The following PARP15 variants were observed in gnomAD, a reference collection of about 807,000 sequenced individuals.
The protein encoded by PARP15 is poly(ADP-ribose) polymerase family member 15.
PARP15 carries 50 observed loss-of-function variants against 62.1 expected under a neutral mutation model. That is an observed-to-expected ratio of 0.81 (90% CI 0.64 to 1.02). The LOEUF (loss-of-function observed/expected upper bound fraction) is 1.02, where lower values mean the gene tolerates loss of function less well. Ranked by LOEUF, PARP15 falls within the 50% of genes least tolerant of loss-of-function variation. The pLI is 0.00. For missense variants in PARP15, 820 were observed against 826.5 expected (o/e 0.99, Z 0.10); for synonymous variants, 309 against 293.1 (o/e 1.05, Z -0.55).
rs564331189 is a variant in PARP15, at chr3:122,634,376, A to T, written c.1573-644A>T. 3.9e-5 allele frequency among the ~76,000 whole-genome samples: 6 copies of T among 152,310 alleles called. No homozygotes were observed. The South Asian group carries it at 1.2e-3, about 32-fold the overall frequency. ...CCCAACACAAACTTGATTCATAGAGATGTTCAGTAGGTGATGACTGAATGG... is the reference window on the plus strand; with the variant it reads ...CCCAACACAAACTTGATTCATAGAGTTGTTCAGTAGGTGATGACTGAATGG... On this transcript the variant is annotated intron_variant, in intron 10 of 11. Coordinates refer to ENST00000464300, the MANE Select transcript of PARP15 (RefSeq NM_001113523.3).
At chr3:122,592,360 G>A (rs1454876112) in intron 1 of PARP15, among the ~76,000 whole-genome samples, 1 of 152,126 alleles carries the variant, frequency 6.6e-6, no homozygotes, top group Non-Finnish European at 1.5e-5. Flanking sequence ...AACACCACAT[G>A]TTCTCACTTA....
rs142624920 is a variant in PARP15, at chr3:122,611,494, G to C, written c.543+764G>C. Among the ~76,000 whole-genome samples the C allele has an allele frequency of 3.5e-3, 520 of 150,460 alleles. 1 individual carries two copies. Among genetic ancestry groups the C allele is most frequent in the African/African-American group, 0.012 (500 of 40,940 alleles). ...GCTGGGATTACAGGTGCCCACCACG[G>C]GGCCTGGCTAATTTTTGTATTTTTA... is the stretch of plus-strand genomic sequence containing the variant. On this transcript the variant is annotated intron_variant, in intron 3 of 11. Transcript: ENST00000464300.
At position 122,638,115 on chromosome 3, in the gene PARP15, C is replaced by A. The variant is rs1339570601; in HGVS notation, c.*2015C>A. On this transcript the variant is annotated 3_prime_UTR_variant, in exon 12 of 12. Transcript: ENST00000464300. The stretch of plus-strand genomic sequence containing the variant: ...GTTTCCAGCTTCATCCATGTCCCTA[C>A]AAAGGACATGAACTCATCATTTTTT... The A allele has an allele frequency of 2.6e-5, 4 of 152,168 alleles. No individual in the cohort carries two copies. Among genetic ancestry groups the A allele is most frequent in the African/African-American group, 9.7e-5 (4 of 41,420 alleles). The allele number at this position is 152,168 out of a possible 1,614,324, so 9.4% of individuals were successfully genotyped here.
chr3:122,594,637 T>C (rs1361947933), intron 1 of PARP15: 6 of 906,162 alleles, frequency 6.6e-6, no homozygotes, highest in Non-Finnish European at 5.3e-6. Flanking sequence ...GAAATTAGCA[T>C]CTAATTTTAA....
Position 122,577,802 on chromosome 3 carries a change from C to T in PARP15, c.135C>T (p.Ala45=), listed in dbSNP as rs1315109616. The T allele has an allele frequency of 3.9e-6, 6 of 1,550,854 alleles. No individual in the cohort carries two copies. The highest frequency in any genetic ancestry group is 4.4e-6 in the Non-Finnish European group (5 of 1,146,608). ...GGGAGGCGGGGAGCGTGCTGCCGGCCGGGAACCGTGGGGCGCGGAAGGCCT... is the reference window on the plus strand; with the variant it reads ...GGGAGGCGGGGAGCGTGCTGCCGGCTGGGAACCGTGGGGCGCGGAAGGCCT... The part of the protein sequence containing the change: ...RDREAGSVLP[A]GNRGARKASR... Residue 45 remains alanine (A), a synonymous_variant, in exon 1 of 12, where the codon GCC becomes GCT. Coordinates refer to ENST00000464300, the MANE Select transcript of PARP15 (RefSeq NM_001113523.3).
chr3:122,612,957 T>TGTCAGA, intron 3 of PARP15, 84 bp from the exon 4 acceptor site: 4 of 1,206,360 alleles, frequency 3.3e-6, no homozygotes, highest in Non-Finnish European at 3.6e-6. Context: ...GAGAGGTCCT[T>TGTCAGA]GTCAGAGTTG....
rs375575228 is a variant in PARP15 at position 122,626,951 on chromosome 3, G to A, written c.1356G>A (p.Leu452=). The change falls in exon 9 of 12, where the codon CTG becomes CTA. Residue 452 remains leucine, a synonymous_variant. Transcript: ENST00000464300. ...TVKVVIFQPE[L]LNIFYDSMKK... ...AAGTTGTCATTTTTCAACCTGAGCT[G>A]CTAAATATATTCTACGACAGCATGA... 9.3e-6 allele frequency: 15 copies of A among 1,613,822 alleles called. No homozygotes were observed. The South Asian group carries it at 1.1e-4, about 12-fold the overall frequency.
chr3:122,592,518 T>C (rs1489234292), intron 1 of PARP15, among the ~76,000 whole-genome samples: 1 of 151,956 alleles, frequency 6.6e-6, no homozygotes, highest in African/African-American at 2.4e-5. Context: ...GATGGGTATT[T>C]AGGTGCAGCA....
chr3:122,594,925 C>A lies in PARP15; in HGVS notation c.187-11011C>A, dbSNP rs191542696. On this transcript the variant is annotated intron_variant, in intron 1 of 11. Transcript: ENST00000464300. Reference sequence around the variant, plus strand: ...CCCAAAAATGGAAGAGAAAGAGTAACCAATGTTCAGTATTTCCCAGAGGAG... The same window carrying A: ...CCCAAAAATGGAAGAGAAAGAGTAAACAATGTTCAGTATTTCCCAGAGGAG... The A allele has an allele frequency of 5.7e-3, 5,321 of 926,982 alleles. 22 individuals are homozygous for A. The highest frequency in any genetic ancestry group is 0.012 in the South Asian group (241 of 20,168). The allele number at this position is 926,982 out of a possible 1,614,324, so 57.4% of individuals were successfully genotyped here.
At chr3:122,606,546 T>A (rs56403245) in intron 2 of PARP15, among the ~76,000 whole-genome samples, 11,036 of 152,214 alleles carry the variant, frequency 0.073, 1,256 homozygotes, top group African/African-American at 0.25. Context: ...CCTCTCCTAC[T>A]GTTTCCTCTT....
At chr3:122,608,213 CTTTTTTTTTTTT>C (rs71136576) in intron 2 of PARP15, among the ~76,000 whole-genome samples, 3 of 113,914 alleles carry the variant, frequency 2.6e-5, no homozygotes, top group Admixed American at 1.8e-4. Context: ...TTTCTCTTTT[CTTTTTTTTTTTT>C]TTTTTTTTTG....
chr3:122,610,638 A>G lies in PARP15; in HGVS notation c.451A>G (p.Ile151Val), dbSNP rs1559960070. ...RRETEEKVGNIFMTSGCNLDC... is the reference protein window; with the variant it reads ...RRETEEKVGNVFMTSGCNLDC... Reference sequence around the variant, plus strand: ...GGAAACAGAGGAAAAAGTAGGTAACATATTCATGACAAGCGGCTGCAATCT... The same window carrying G: ...GGAAACAGAGGAAAAAGTAGGTAACGTATTCATGACAAGCGGCTGCAATCT... Residue 151 changes from isoleucine (I) to valine (V), a missense_variant, in exon 3 of 12, where the codon ATA becomes GTA. Physicochemically the swap from Ile to Val is conservative, Grantham distance 29. Around this residue, in one of 3 missense-constraint regions of PARP15, gnomAD observed 731 missense variants for 727.7 expected, o/e 1.00. Coordinates refer to ENST00000464300, the MANE Select transcript of PARP15 (RefSeq NM_001113523.3). 2 of 1,551,714 alleles carry G rather than the reference A, an allele frequency of 1.3e-6. No homozygotes were observed. The highest frequency in any genetic ancestry group is 2.4e-5 in the East Asian group (1 of 40,924).
At chr3:122,602,007 C>G (rs1934833986) in intron 1 of PARP15, among the ~76,000 whole-genome samples, 1 of 152,022 alleles carries the variant, frequency 6.6e-6, no homozygotes, top group Non-Finnish European at 1.5e-5. Flanking sequence ...CAATCAGGAT[C>G]CCTTAGACGT....
At chr3:122,578,170 G>A (rs1469195899) in intron 1 of PARP15, among the ~76,000 whole-genome samples, 1 of 150,994 alleles carries the variant, frequency 6.6e-6, no homozygotes, top group African/African-American at 2.4e-5. Context: ...TGTTTTTTGA[G>A]TTTGCTTATG....
rs759900057 is a variant in PARP15, at chr3:122,610,474, C to T, written c.307-20C>T. 29 of 1,529,784 alleles carry T rather than the reference C, an allele frequency of 1.9e-5. No individual in the cohort carries two copies. The highest frequency in any genetic ancestry group is 2.7e-6 in the Non-Finnish European group (3 of 1,129,608). The allele number at this position is 1,529,784 out of a possible 1,614,324, so 94.8% of individuals were successfully genotyped here. On this transcript the variant is annotated intron_variant, in intron 2 of 11. Coordinates refer to ENST00000464300, the MANE Select transcript of PARP15 (RefSeq NM_001113523.3). ...TATGTATTATTGATTCAATCTCTAA[C>T]TGTTGCTATTTTCGTTAAGGCCGAT...
chr3:122,631,431 G>A (rs1387440973), intron 9 of PARP15, among the ~76,000 whole-genome samples: 2 of 152,134 alleles, frequency 1.3e-5, no homozygotes, highest in African/African-American at 2.4e-5. Flanking sequence ...GAAATCCTTT[G>A]GTTTTTACCT....
Position 122,638,287 on chromosome 3 carries a change from T to A in PARP15, c.*2187T>A, listed in dbSNP as rs550718523. ...GTGTGCATGTGTCTTTACAGCAGCA[T>A]GATTTATAATCCTTTGGGTATATAC... On this transcript the variant is annotated 3_prime_UTR_variant, in exon 12 of 12. Coordinates refer to ENST00000464300, the MANE Select transcript of PARP15 (RefSeq NM_001113523.3). 4.6e-4 allele frequency: 70 copies of A among 152,260 alleles called. No individual in the cohort carries two copies. Among genetic ancestry groups the A allele is most frequent in the African/African-American group, 1.6e-3 (65 of 41,534 alleles). 9.4% of individuals were successfully genotyped at this position (152,260 alleles called of 1,614,324 possible).
At chr3:122,615,560 A>G in intron 4 of PARP15, 1 of 1,186,176 alleles carries the variant, frequency 8.4e-7, no homozygotes, top group Non-Finnish European at 1.2e-6. Context: ...TTGCCTGGAC[A>G]GTGTTAGTTT....
intron 7 of PARP15, among the ~76,000 whole-genome samples, chr3:122,620,458 G>T (rs1202428866): frequency 6.6e-6 from 1 of 152,172 alleles, no homozygotes; most frequent in Non-Finnish European, 1.5e-5. Context: ...CTTTCAAGAA[G>T]TCATAGAGCA....
Sources: allele counts gnomAD v4.1 joint callset (sites outside exome capture counted in the v4.1 genomes callset), GRCh38; gene constraint gnomAD v4.1.1; regional missense constraint gnomAD v4.1.1; transcripts MANE v1.5; gene names NCBI Gene and HGNC (gene_info 2026-07-23, HGNC 2026-07-21).